The following MAP3K1 variants were observed in gnomAD, a reference collection of about 807,000 sequenced individuals.
MAP3K1 encodes the protein MAP/ERK kinase kinase 1.
In MAP3K1, 36 loss-of-function variants were observed where a neutral mutation model predicts 144.2. The ratio of observed to expected loss-of-function variants is 0.25; its 90% CI spans 0.19 to 0.33. MAP3K1 has a LOEUF of 0.33. Ranked by LOEUF, MAP3K1 falls within the 10% of genes least tolerant of loss-of-function variation. The pLI is 1.00. For synonymous variants in MAP3K1, 718 were observed against 688.7 expected (o/e 1.04, Z -0.67); for missense variants, 1,650 against 1,881.9 (o/e 0.88, Z 2.28).
At position 56,882,517 on chromosome 5, in the gene MAP3K1, T is replaced by C. The variant is rs771971805; in HGVS notation, c.3317T>C (p.Ile1106Thr). The change falls in exon 14 of 20, where the codon ATA (isoleucine) becomes ACA (threonine). Residue 1106 changes from isoleucine to threonine, a missense_variant. By Grantham distance (89) the Ile-to-Thr change is moderately conservative (BLOSUM62 -1). Around this residue, in one of 6 missense-constraint regions of MAP3K1, gnomAD observed 841 missense variants for 886.5 expected, o/e 0.95. Coordinates refer to ENST00000399503, the MANE Select transcript of MAP3K1 (RefSeq NM_005921.2). ...AGCAGCAATAGTAGTAATGCTGTTATACCCAGTGACGAGACAGTGTTCACC... is the reference window on the plus strand; with the variant it reads ...AGCAGCAATAGTAGTAATGCTGTTACACCCAGTGACGAGACAGTGTTCACC... ...GCSSNSSNAV[I>T]PSDETVFTPV... is the part of the protein sequence containing the mutation. 16 of 1,613,930 alleles carry C rather than the reference T, an allele frequency of 9.9e-6. No homozygotes were observed. The East Asian group carries it at 1.3e-4, about 13-fold the overall frequency.
chr5:56,845,845 A>G (rs1746977653), intron 1 of MAP3K1, among the ~76,000 whole-genome samples: 1 of 152,196 alleles, frequency 6.6e-6, no homozygotes, highest in Non-Finnish European at 1.5e-5. Context: ...TTTTTGTTGG[A>G]AAGGAACAAG....
rs1159183377 is a variant in MAP3K1, at chr5:56,893,917, C to T, written c.*237C>T. 5.5e-6 allele frequency: 3 copies of T among 549,758 alleles called. No homozygotes were observed. Among genetic ancestry groups the T allele is most frequent in the Non-Finnish European group, 9.8e-6 (3 of 305,612 alleles). The allele number at this position is 549,758 out of a possible 1,614,324, so 34.1% of individuals were successfully genotyped here. On this transcript the variant is annotated 3_prime_UTR_variant, in exon 20 of 20. Coordinates refer to ENST00000399503, the MANE Select transcript of MAP3K1 (RefSeq NM_005921.2). ...AACTGTGCCTTTCAAAGAACTGGCCCTAGGTGAACAGGAAAACAATGAAGT... is the reference window on the plus strand; with the variant it reads ...AACTGTGCCTTTCAAAGAACTGGCCTTAGGTGAACAGGAAAACAATGAAGT...
chr5:56,866,091 G>C, intron 6 of MAP3K1, 114 bp downstream of exon 6: 1 of 989,222 alleles, frequency 1.0e-6, no homozygotes, highest in East Asian at 2.6e-5. Flanking sequence ...ATTGAATCTT[G>C]GCTTTCAAGT....
At chr5:56,870,059 C>G (rs1025699439) in intron 6 of MAP3K1, among the ~76,000 whole-genome samples, 1 of 152,126 alleles carries the variant, frequency 6.6e-6, no homozygotes, top group Non-Finnish European at 1.5e-5. Flanking sequence ...GGTAGTTACT[C>G]AGATCTGTTT....
chr5:56,869,707 CTT>C (rs1360243279), intron 6 of MAP3K1, among the ~76,000 whole-genome samples: 2 of 152,016 alleles, frequency 1.3e-5, no homozygotes, highest in African/African-American at 4.8e-5. Flanking sequence ...AATTGTGAAA[CTT>C]TATTTTCCTC....
chr5:56,877,805 G>C (rs935693346), intron 10 of MAP3K1, among the ~76,000 whole-genome samples: 1 of 152,098 alleles, frequency 6.6e-6, no homozygotes, highest in Non-Finnish European at 1.5e-5. Flanking sequence ...GGATCCCACA[G>C]TGCATTTAGT....
intron 2 of MAP3K1, among the ~76,000 whole-genome samples, chr5:56,858,952 C>T (rs948848935): frequency 6.6e-6 from 1 of 151,018 alleles, no homozygotes; most frequent in Non-Finnish European, 1.5e-5. Flanking sequence ...CAGCAACTGG[C>T]TATAGAACAG....
At chr5:56,887,726 A>G in intron 18 of MAP3K1, 1 of 579,584 alleles carries the variant, frequency 1.7e-6, no homozygotes. Flanking sequence ...AGGTTTTAAT[A>G]GATTTACTTA....
intron 4 of MAP3K1, 33 bp downstream of exon 4, chr5:56,864,967 TAGTAGTA>T (rs1747633203): frequency 1.3e-6 from 2 of 1,582,668 alleles, no homozygotes. Context: ...ACTTTATTAG[TAGTAGTA>T]TATGGTACTA....
At position 56,875,260 on chromosome 5, in the gene MAP3K1, C is replaced by A; in HGVS notation, c.1915C>A (p.Leu639Met). 1.2e-6 allele frequency: 2 copies of A among 1,614,122 alleles called. No individual in the cohort carries two copies. The highest frequency in any genetic ancestry group is 1.7e-6 in the Non-Finnish European group (2 of 1,180,006). ...TGTGGTGGAGGCATGCTGCAGCGTT[C>A]TGTCAATGGTCTGTGCTGACCCTGT... ...GDVVEACCSV[L>M]SMVCADPVYK... Residue 639 changes from leucine (L) to methionine (M), a missense_variant, in exon 10 of 20, where the codon CTG becomes ATG. By Grantham distance (15) the Leu-to-Met change is conservative. Around this residue, in one of 6 missense-constraint regions of MAP3K1, gnomAD observed 841 missense variants for 886.5 expected, o/e 0.95. Transcript: ENST00000399503.
At chr5:56,862,566 C>G (rs1747548105) in intron 3 of MAP3K1, among the ~76,000 whole-genome samples, 1 of 152,138 alleles carries the variant, frequency 6.6e-6, no homozygotes, top group Non-Finnish European at 1.5e-5. Flanking sequence ...CTTTCATTAG[C>G]TGGATAAATC....
Position 56,881,864 on chromosome 5 carries a change from T to C in MAP3K1, c.2664T>C (p.Ser888=). Residue 888 remains serine, a synonymous_variant, in exon 14 of 20, where the codon TCT becomes TCC. Coordinates refer to ENST00000399503, the MANE Select transcript of MAP3K1 (RefSeq NM_005921.2). ...DGQQDSFLQA[S]VPNNYLETTE... is the part of the protein sequence containing the mutation. ...AACAGGACAGCTTCTTGCAGGCATC[T>C]GTTCCCAACAACTATCTGGAAACCA... 1 of 1,614,144 alleles carries C rather than the reference T, an allele frequency of 6.2e-7. No homozygotes were observed. The highest frequency in any genetic ancestry group is 8.5e-7 in the Non-Finnish European group (1 of 1,180,024).
intron 1 of MAP3K1, among the ~76,000 whole-genome samples, chr5:56,819,695 AAGTAGT>A (rs1412642855): frequency 6.6e-6 from 1 of 152,180 alleles, no homozygotes; most frequent in South Asian, 2.1e-4. Flanking sequence ...TGTCATGGAA[AAGTAGT>A]AGTCTCTAGA....
intron 1 of MAP3K1, among the ~76,000 whole-genome samples, chr5:56,850,528 A>G (rs1036589076): frequency 6.6e-6 from 1 of 152,212 alleles, no homozygotes; most frequent in Admixed American, 6.5e-5. Flanking sequence ...AAAACTTACA[A>G]AACTTGTTTG....
Position 56,816,993 on chromosome 5 carries a change from G to A in MAP3K1, c.482+938G>A, listed in dbSNP as rs1745997612. The A allele has an allele frequency of 7.1e-6, 6 of 845,010 alleles. No homozygotes were observed. The South Asian group carries it at 2.2e-4, about 30-fold the overall frequency. The allele number at this position is 845,010 out of a possible 1,614,324, so 52.3% of individuals were successfully genotyped here. A position where few individuals can be genotyped will look rare whatever the true frequency, so the allele number is the denominator to read the frequency against. On this transcript the variant is annotated intron_variant, in intron 1 of 19. Coordinates refer to ENST00000399503, the MANE Select transcript of MAP3K1 (RefSeq NM_005921.2). ...TCCGGCTTGGCCCGGGGACTGCGGC[G>A]CGGGTGCAGTGCTTCCTGCTCGGTG... is the stretch of plus-strand genomic sequence containing the variant.
At chr5:56,863,218 C>T (rs1000541608) in intron 3 of MAP3K1, among the ~76,000 whole-genome samples, 7 of 152,306 alleles carry the variant, frequency 4.6e-5, no homozygotes, top group Admixed American at 3.9e-4. Flanking sequence ...GATCTCTGAA[C>T]TTGCGGTTTT....
intron 2 of MAP3K1, among the ~76,000 whole-genome samples, chr5:56,857,463 ATC>A (rs1160314727): frequency 6.6e-6 from 1 of 152,100 alleles, no homozygotes; most frequent in Non-Finnish European, 1.5e-5. Flanking sequence ...CCTAGCACTA[ATC>A]TCTCTCAGCA....
chr5:56,894,672 T>C lies in MAP3K1; in HGVS notation c.*992T>C. ...CAACATTTAAGTCTTACTCTGTATGTAACAATCCATCATTCACCTTCACTA... is the reference window on the plus strand; with the variant it reads ...CAACATTTAAGTCTTACTCTGTATGCAACAATCCATCATTCACCTTCACTA... On this transcript the variant is annotated 3_prime_UTR_variant, in exon 20 of 20. Coordinates refer to ENST00000399503, the MANE Select transcript of MAP3K1 (RefSeq NM_005921.2). 1 of 232,390 alleles carries C rather than the reference T, an allele frequency of 4.3e-6. No homozygotes were observed. The highest frequency in any genetic ancestry group is 6.1e-5 in the East Asian group (1 of 16,412). The allele number at this position is 232,390 out of a possible 1,614,324, so 14.4% of individuals were successfully genotyped here.
Position 56,894,796 on chromosome 5 carries a change from A to G in MAP3K1, c.*1116A>G, listed in dbSNP as rs1477574246. On this transcript the variant is annotated 3_prime_UTR_variant, in exon 20 of 20. Coordinates refer to ENST00000399503, the MANE Select transcript of MAP3K1 (RefSeq NM_005921.2). ...TTTTAAAAAGATTATTCAACTACCA[A>G]TCAGTAATGTTTTTAAACAGTACAT... is the stretch of plus-strand genomic sequence containing the variant. 1 of 232,176 alleles carries G rather than the reference A, an allele frequency of 4.3e-6. No individual in the cohort carries two copies. The highest frequency in any genetic ancestry group is 6.1e-5 in the East Asian group (1 of 16,368). 14.4% of individuals were successfully genotyped at this position (232,176 alleles called of 1,614,324 possible).
Sources: gnomAD v4.1 joint callset for allele counts (sites outside exome capture counted in the v4.1 genomes callset) on GRCh38, gnomAD v4.1.1 for gene constraint, gnomAD v4.1.1 regional missense constraint, MANE v1.5 for transcripts, NCBI Gene and HGNC (gene_info 2026-07-23, HGNC 2026-07-21) for gene names.